Variants in HGSNAT observed in about 807,000 individuals in gnomAD.
The protein encoded by HGSNAT is transmembrane protein 76.
HGSNAT carries 59 observed loss-of-function variants against 85.2 expected under a neutral mutation model. That is an observed-to-expected ratio of 0.69 (90% CI 0.56 to 0.86). HGSNAT has a LOEUF of 0.86. Ranked by LOEUF, HGSNAT falls within the 40% of genes least tolerant of loss-of-function variation. The pLI is 0.00. For missense variants in HGSNAT, 756 were observed against 777.1 expected, an observed-to-expected ratio of 0.97 and a Z score of 0.32; for synonymous variants, 321 against 304.5, an observed-to-expected ratio of 1.05 and a Z score of -0.56.
At chr8:43,149,792 C>T (rs1025092336) in intron 2 of HGSNAT, among the ~76,000 whole-genome samples, 1 of 151,734 alleles carries the variant, frequency 6.6e-6, no homozygotes, top group African/African-American at 2.4e-5. Context: ...TAACTTCATA[C>T]ATTTAGTAAA....
chr8:43,140,660 C>T (rs1039885584), intron 1 of HGSNAT, 46 bp downstream of exon 1: 18 of 992,982 alleles, frequency 1.8e-5, no homozygotes, highest in African/African-American at 1.7e-4. Flanking sequence ...ACGAGCGCAG[C>T]GTCTCCTCTC....
At chr8:43,172,414 C>T (rs1257457316) in intron 8 of HGSNAT, 28 bp downstream of exon 8, 1 of 1,447,506 alleles carries the variant, frequency 6.9e-7, no homozygotes, top group Admixed American at 1.7e-5. Context: ...AGTAATGTTG[C>T]TTATATACGT....
chr8:43,177,377 C>T (rs1278946614), intron 9 of HGSNAT, among the ~76,000 whole-genome samples: 2 of 151,736 alleles, frequency 1.3e-5, no homozygotes, highest in Non-Finnish European at 2.9e-5. Flanking sequence ...CGGTGAAACC[C>T]TGTCTCTACT....
At chr8:43,193,671 A>T (rs1804615398) in intron 13 of HGSNAT, 86 bp from the exon 14 acceptor site, 2 of 829,154 alleles carry the variant, frequency 2.4e-6, no homozygotes, top group Non-Finnish European at 2.0e-6. Flanking sequence ...ACTGGAGTGT[A>T]TTCAGGTTTG....
chr8:43,160,064 G>A (rs1457986664), intron 4 of HGSNAT, among the ~76,000 whole-genome samples: 3 of 152,112 alleles, frequency 2.0e-5, no homozygotes, highest in Non-Finnish European at 4.4e-5. Flanking sequence ...AAAACCATGA[G>A]GTCATATGAA....
chr8:43,179,355 C>T (rs1803947168), intron 10 of HGSNAT, among the ~76,000 whole-genome samples: 1 of 142,836 alleles, frequency 7.0e-6, no homozygotes, highest in Non-Finnish European at 1.5e-5. Flanking sequence ...GGGCGGCTGG[C>T]TGGGCGGGGG....
At chr8:43,155,934 G>A (rs536802508) in intron 2 of HGSNAT, among the ~76,000 whole-genome samples, 1 of 151,798 alleles carries the variant, frequency 6.6e-6, no homozygotes, top group Admixed American at 6.6e-5. Flanking sequence ...TCTGTCTTCC[G>A]GGTTCAAGTG....
At chr8:43,152,902 TTATA>T (rs1351683939) in intron 2 of HGSNAT, among the ~76,000 whole-genome samples, 1 of 152,166 alleles carries the variant, frequency 6.6e-6, no homozygotes, top group Non-Finnish European at 1.5e-5. Context: ...ATAGAATTCA[TTATA>T]TAGTCTACAT....
rs1586735223 is a variant in HGSNAT, at chr8:43,179,452, G to A, written c.1012+1218G>A. On this transcript the variant is annotated intron_variant, in intron 10 of 17. Coordinates refer to ENST00000379644, the MANE Select transcript of HGSNAT (RefSeq NM_152419.3). ...CCAGTAGGGGCGGCCGGGCAGAGGC[G>A]CCCCTCACCTCCCGGACGGGGCGGC... 7.7e-5 allele frequency among the ~76,000 whole-genome samples: 8 copies of A among 103,498 alleles called. No homozygotes were observed. In the South Asian group the frequency reaches 1.1e-3, roughly 14 times the overall value. 67.9% of individuals were successfully genotyped at this position (103,498 alleles called of 152,430 possible). A position where few individuals can be genotyped will look rare whatever the true frequency, so the allele number is the denominator to read the frequency against.
At chr8:43,180,603 C>T in intron 10 of HGSNAT, 1 of 162,264 alleles carries the variant, frequency 6.2e-6, no homozygotes, top group South Asian at 7.5e-5. Context: ...ACGCTCCTCA[C>T]TTTCCAGACT....
chr8:43,194,065 A>G, intron 14 of HGSNAT: 1 of 1,319,896 alleles, frequency 7.6e-7, no homozygotes, highest in African/African-American at 1.5e-5. Context: ...AAAAATTCTT[A>G]CTTATATGGC....
intron 9 of HGSNAT, 85 bp downstream of exon 9, chr8:43,173,828 G>C: frequency 7.1e-7 from 1 of 1,409,134 alleles, no homozygotes. Flanking sequence ...TCTCTTCTGA[G>C]ACGGGCATGT....
chr8:43,150,690 C>T (rs934115792), intron 2 of HGSNAT, among the ~76,000 whole-genome samples: 30 of 151,868 alleles, frequency 2.0e-4, no homozygotes, highest in African/African-American at 7.0e-4. Context: ...AAAAATTAGC[C>T]AGGCATGGTG....
intron 11 of HGSNAT, among the ~76,000 whole-genome samples, chr8:43,188,296 T>A (rs932517511): frequency 2.6e-5 from 4 of 152,248 alleles, no homozygotes; most frequent in African/African-American, 9.6e-5. Context: ...GACACAGATT[T>A]GATCTTTTCA....
intron 8 of HGSNAT, 94 bp downstream of exon 8, chr8:43,172,480 G>A: frequency 1.1e-6 from 1 of 916,668 alleles, no homozygotes; most frequent in South Asian, 1.5e-5. Context: ...AGAAACTCCA[G>A]AAATGAGCCC....
chr8:43,142,112 C>T (rs1213159287), intron 1 of HGSNAT, among the ~76,000 whole-genome samples: 1 of 151,906 alleles, frequency 6.6e-6, no homozygotes, highest in South Asian at 2.1e-4. Flanking sequence ...AAAAATATGC[C>T]CAGCAAAGAT....
chr8:43,162,996 G>C (rs1803315523), intron 5 of HGSNAT, among the ~76,000 whole-genome samples: 1 of 152,072 alleles, frequency 6.6e-6, no homozygotes, highest in Non-Finnish European at 1.5e-5. Flanking sequence ...GACCAGCCTG[G>C]TAACATGATG....
chr8:43,169,882 G>A (rs985202719), intron 6 of HGSNAT, among the ~76,000 whole-genome samples: 1 of 151,936 alleles, frequency 6.6e-6, no homozygotes, highest in South Asian at 2.1e-4. Context: ...GTTCAGTGGC[G>A]TGGTCTCAAC....
Position 43,178,062 on chromosome 8 carries a change from G to C in HGSNAT, c.852-12G>C. The C allele has an allele frequency of 6.2e-7, 1 of 1,610,766 alleles. No homozygotes were observed. The highest frequency in any genetic ancestry group is 8.5e-7 in the Non-Finnish European group (1 of 1,177,306). ...GGAAATGGCCACCTATTAATAACTAGATTCTTTTTAGGTTTGTATTTATTA... is the reference window on the plus strand; with the variant it reads ...GGAAATGGCCACCTATTAATAACTACATTCTTTTTAGGTTTGTATTTATTA... On this transcript the variant is annotated splice_polypyrimidine_tract_variant and intron_variant, in intron 9 of 17. Transcript: ENST00000379644.
Sources: gnomAD v4.1 joint callset for allele counts (sites outside exome capture counted in the v4.1 genomes callset) on GRCh38, gnomAD v4.1.1 for gene constraint, MANE v1.5 for transcripts, NCBI Gene and HGNC (gene_info 2026-07-23, HGNC 2026-07-21) for gene names.